FLNB: variants seen among roughly 807,000 people sequenced by gnomAD.
FLNB encodes filamin-B.
FLNB carries 111 observed loss-of-function variants against 250.6 expected under a neutral mutation model. The observed-to-expected ratio is 0.44, with a 90% CI of 0.38 to 0.52. The LOEUF is 0.52. Among genes scored for constraint, FLNB ranks in the 20% least tolerant of loss-of-function variants. The probability of loss-of-function intolerance (pLI) is 0.00; values close to 1 mark genes in which losing one functional copy is unlikely to be tolerated. For missense variants in FLNB, 2,869 were observed against 3,447.8 expected (o/e 0.83, Z 4.20); for synonymous variants, 1,302 against 1,372.1 (o/e 0.95, Z 1.13).
At chr3:58,078,874 A>T in intron 3 of FLNB, 60 bp downstream of exon 3, 1 of 1,336,872 alleles carries the variant, frequency 7.5e-7, no homozygotes, top group Non-Finnish European at 1.1e-6. Flanking sequence ...TGTTCTGTGG[A>T]TGCCTTCCCG....
chr3:58,058,399 C>T (rs966049378), intron 1 of FLNB, among the ~76,000 whole-genome samples: 1 of 152,106 alleles, frequency 6.6e-6, no homozygotes, highest in African/African-American at 2.4e-5. Flanking sequence ...GGGGCTCCAT[C>T]CCTGCATCTT....
chr3:58,017,480 C>T (rs1459705117), intron 1 of FLNB, among the ~76,000 whole-genome samples: 1 of 152,062 alleles, frequency 6.6e-6, no homozygotes, highest in Non-Finnish European at 1.5e-5. Flanking sequence ...CTCGAACTCC[C>T]GATCTCAGGT....
intron 22 of FLNB, 44 bp downstream of exon 22, chr3:58,124,549 C>T (rs377700840): frequency 4.9e-5 from 79 of 1,606,464 alleles, no homozygotes; most frequent in Non-Finnish European, 6.3e-5. Flanking sequence ...TCAGAGCTGC[C>T]CTTGGTCATT....
At chr3:58,093,499 C>T (rs1259870603) in intron 4 of FLNB, among the ~76,000 whole-genome samples, 3 of 152,110 alleles carry the variant, frequency 2.0e-5, no homozygotes, top group Non-Finnish European at 2.9e-5. Flanking sequence ...GAAAGCTATC[C>T]GGGAGCCCAC....
chr3:58,023,643 T>C (rs928689000), intron 1 of FLNB, among the ~76,000 whole-genome samples: 15 of 152,224 alleles, frequency 9.9e-5, no homozygotes, highest in African/African-American at 3.6e-4. Flanking sequence ...TTGGTCATAC[T>C]GATGGTTATA....
rs534768569 is a variant in FLNB, at chr3:58,155,762, G to A, written c.6773-198G>A. On this transcript the variant is annotated intron_variant, in intron 40 of 45. Transcript: ENST00000295956. ...GCCATTTGGGGACCCTGTGAGCCCC[G>A]GTTAAGAGTCCCTGGCCTTACCCCA... Among the ~76,000 whole-genome samples the A allele has an allele frequency of 3.3e-5, 5 of 152,242 alleles. No individual in the cohort carries two copies. In the South Asian group the frequency reaches 6.2e-4, roughly 19 times the overall value.
At chr3:58,041,111 C>T (rs2097145443) in intron 1 of FLNB, among the ~76,000 whole-genome samples, 2 of 152,148 alleles carry the variant, frequency 1.3e-5, no homozygotes, top group South Asian at 4.1e-4. Flanking sequence ...TTACGGTCAC[C>T]TAGCTGGCAA....
chr3:58,089,888 G>C (rs2097223494), intron 4 of FLNB, among the ~76,000 whole-genome samples: 1 of 152,082 alleles, frequency 6.6e-6, no homozygotes, highest in Admixed American at 6.5e-5. Context: ...CTGGGTTCAA[G>C]CTATTCTCCT....
intron 1 of FLNB, among the ~76,000 whole-genome samples, chr3:58,072,723 A>G (rs1341331799): frequency 6.6e-6 from 1 of 152,226 alleles, no homozygotes; most frequent in East Asian, 1.9e-4. Flanking sequence ...GAAGGAAGGT[A>G]TCATTTATCC....
intron 32 of FLNB, 72 bp from the exon 33 acceptor site, chr3:58,145,849 A>T: frequency 6.2e-7 from 1 of 1,602,308 alleles, no homozygotes; most frequent in South Asian, 1.1e-5. Context: ...GGACGTCAAG[A>T]TGCCAGTTGT....
intron 28 of FLNB, among the ~76,000 whole-genome samples, chr3:58,136,411 T>C (rs2097316063): frequency 6.6e-6 from 1 of 152,188 alleles, no homozygotes; most frequent in South Asian, 2.1e-4. Flanking sequence ...AGGTCAGGCA[T>C]GAAAAATGCT....
chr3:58,015,203 T>G (rs1359598263), intron 1 of FLNB, among the ~76,000 whole-genome samples: 1 of 152,226 alleles, frequency 6.6e-6, no homozygotes. Context: ...TCCCTGTCTA[T>G]AAAATGCAAG....
rs189262578 is a variant in FLNB, at chr3:58,016,789, C to T, written c.292+7933C>T. 1.8e-4 allele frequency among the ~76,000 whole-genome samples: 27 copies of T among 152,210 alleles called. 2 individuals are homozygous for T. The highest frequency in any genetic ancestry group is 1.6e-3 in the Admixed American group (24 of 15,276). On this transcript the variant is annotated intron_variant, in intron 1 of 45. Coordinates refer to ENST00000295956, the MANE Select transcript of FLNB (RefSeq NM_001457.4). ...GCTGGATCTGTAATTGTAACACCTT[C>T]CCCCAACAATAAGTTTAACTAATGA... is the stretch of plus-strand genomic sequence containing the variant.
At chr3:58,159,847 A>C (rs889526215) in intron 42 of FLNB, among the ~76,000 whole-genome samples, 161 bp downstream of exon 42, 2 of 152,168 alleles carry the variant, frequency 1.3e-5, no homozygotes, top group Non-Finnish European at 2.9e-5. Flanking sequence ...TTAGGGTTTA[A>C]ACATGTGCCA....
chr3:58,019,943 G>T (rs1576591564), intron 1 of FLNB, among the ~76,000 whole-genome samples: 1 of 152,182 alleles, frequency 6.6e-6, no homozygotes, highest in Non-Finnish European at 1.5e-5. Flanking sequence ...GAGGAGGTGG[G>T]CAGGGCTTTT....
chr3:58,086,776 G>T (rs1212390730), intron 4 of FLNB, among the ~76,000 whole-genome samples: 1 of 152,134 alleles, frequency 6.6e-6, no homozygotes, highest in East Asian at 1.9e-4. Context: ...GCAACCATTT[G>T]TAATATGTGA....
Position 58,125,636 on chromosome 3 carries a change from C to G in FLNB, c.3954C>G (p.Phe1318Leu), listed in dbSNP as rs760153503. Reference protein sequence around the residue: ...YDDVPIPNSPFKVAVTEGCQP... With the variant: ...YDDVPIPNSPLKVAVTEGCQP... ...ACGTGCCTATCCCAAACAGTCCCTT[C>G]AAGGTGGCTGTCACTGAAGGCTGCC... The change falls in exon 23 of 46, where the codon TTC (phenylalanine) becomes TTG (leucine). Residue 1318 changes from phenylalanine to leucine, a missense_variant. By Grantham distance (22) the Phe-to-Leu change is conservative. Coordinates refer to ENST00000295956, the MANE Select transcript of FLNB (RefSeq NM_001457.4). 6.2e-7 allele frequency: 1 copy of G among 1,614,206 alleles called. No individual in the cohort carries two copies. Among genetic ancestry groups the G allele is most frequent in the Admixed American group, 1.7e-5 (1 of 60,024 alleles).
chr3:58,145,620 G>C (rs1311623452), intron 32 of FLNB, among the ~76,000 whole-genome samples: 2 of 152,176 alleles, frequency 1.3e-5, no homozygotes, highest in Non-Finnish European at 2.9e-5. Flanking sequence ...CAGTGCAAAA[G>C]TTTCTTCCTT....
At chr3:58,090,837 C>T (rs1351940139) in intron 4 of FLNB, among the ~76,000 whole-genome samples, 2 of 151,872 alleles carry the variant, frequency 1.3e-5, no homozygotes, top group East Asian at 1.9e-4. Context: ...TTTGGGAGGC[C>T]GAGGTGGGCG....
Sources: allele counts gnomAD v4.1 joint callset (sites outside exome capture counted in the v4.1 genomes callset), GRCh38; gene constraint gnomAD v4.1.1; transcripts MANE v1.5; gene names NCBI Gene and HGNC (gene_info 2026-07-23, HGNC 2026-07-21).